CDC6: variants seen among roughly 807,000 people sequenced by gnomAD.
CDC6 encodes the protein DNA replication factor CDC6.
CDC6 carries 46 observed loss-of-function variants against 60.2 expected under a neutral mutation model. The ratio of observed to expected loss-of-function variants is 0.76; its 90% CI spans 0.60 to 0.98. The LOEUF is 0.98. Among genes scored for constraint, CDC6 ranks in the 50% least tolerant of loss-of-function variants. The pLI is 0.00. For synonymous variants in CDC6, 210 were observed against 233.2 expected (o/e 0.90, Z 0.90); for missense variants, 596 against 652.9 (o/e 0.91, Z 0.95).
rs186636882 is a variant in CDC6, at chr17:40,296,947, C to T, written c.1249+180C>T. ...AATCTTGCCTGCCAGTACTATAGTT[C>T]GTGCATTACTGGAAATGAGTTCCCA... On this transcript the variant is annotated intron_variant, in intron 9 of 11. Coordinates refer to ENST00000209728, the MANE Select transcript of CDC6 (RefSeq NM_001254.4). Among the ~76,000 whole-genome samples the T allele has an allele frequency of 1.9e-4, 29 of 152,202 alleles. No individual in the cohort carries two copies. In the South Asian group the frequency reaches 2.3e-3, roughly 12 times the overall value.
At chr17:40,300,731 T>G in intron 9 of CDC6, 97 bp from the exon 10 acceptor site, 1 of 981,960 alleles carries the variant, frequency 1.0e-6, no homozygotes, top group Non-Finnish European at 1.6e-6. Flanking sequence ...TATACTTGAA[T>G]TTCCTTTAGC....
At chr17:40,294,727 C>CTT (rs576545159) in intron 7 of CDC6, among the ~76,000 whole-genome samples, 6 of 133,788 alleles carry the variant, frequency 4.5e-5, no homozygotes, top group East Asian at 2.1e-4. Flanking sequence ...CACCCAAGCG[C>CTT]TTTTTTTTTT....
chr17:40,294,252 A>G, intron 6 of CDC6, 112 bp from the exon 7 acceptor site: 1 of 989,908 alleles, frequency 1.0e-6, no homozygotes, highest in Non-Finnish European at 1.6e-6. Flanking sequence ...AGTGGCAAGC[A>G]ACAATTAGAA....
Position 40,302,338 on chromosome 17 carries a change from A to G in CDC6, c.*337A>G, listed in dbSNP as rs1299768533. ...TTCGTTTGCTCAAACATGAGTGGGTATTTTTTTGTTTGTTTTTTTTGTTGT... is the reference window on the plus strand; with the variant it reads ...TTCGTTTGCTCAAACATGAGTGGGTGTTTTTTTGTTTGTTTTTTTTGTTGT... On this transcript the variant is annotated 3_prime_UTR_variant, in exon 12 of 12. Transcript: ENST00000209728. The G allele has an allele frequency of 3.6e-6, 1 of 274,954 alleles. No individual in the cohort carries two copies. The highest frequency in any genetic ancestry group is 6.9e-6 in the Non-Finnish European group (1 of 144,688). 17.0% of individuals were successfully genotyped at this position (274,954 alleles called of 1,614,324 possible). A position where few individuals can be genotyped will look rare whatever the true frequency, so the allele number is the denominator to read the frequency against.
chr17:40,294,639 A>G, intron 7 of CDC6, 136 bp downstream of exon 7: 2 of 767,136 alleles, frequency 2.6e-6, no homozygotes, highest in Admixed American at 4.1e-5. Flanking sequence ...CCATAGTGAG[A>G]ACATTTTTAT....
At chr17:40,288,176 C>T in intron 1 of CDC6, 86 bp downstream of exon 1, 1 of 152,962 alleles carries the variant, frequency 6.5e-6, no homozygotes, top group African/African-American at 2.4e-5. Flanking sequence ...GTAGTTCTAG[C>T]AGTTATGCGT....
At chr17:40,294,684 CAG>C (rs2032832457) in intron 7 of CDC6, among the ~76,000 whole-genome samples, 181 bp downstream of exon 7, 1 of 150,244 alleles carries the variant, frequency 6.7e-6, no homozygotes, top group Admixed American at 6.6e-5. Context: ...CTGGGTGTCT[CAG>C]TGTTGAAATA....
intron 8 of CDC6, 102 bp from the exon 9 acceptor site, chr17:40,296,601 C>G: frequency 2.7e-6 from 2 of 728,006 alleles, no homozygotes; most frequent in Non-Finnish European, 2.5e-6. Flanking sequence ...TTCATAGTTG[C>G]AGTCTTTGAG....
rs2143067180 is a variant in CDC6, at chr17:40,289,527, C to T, written c.107C>T (p.Pro36Leu). The T allele has an allele frequency of 6.2e-7, 1 of 1,613,968 alleles. No homozygotes were observed. Among genetic ancestry groups the T allele is most frequent in the South Asian group, 1.1e-5 (1 of 91,062 alleles). The change falls in exon 2 of 12, where the codon CCA (proline) becomes CTA (leucine). Residue 36 changes from proline (P) to leucine (L), a missense_variant. Pro to Leu is a moderately conservative substitution (Grantham distance 98, BLOSUM62 -3). Coordinates refer to ENST00000209728, the MANE Select transcript of CDC6 (RefSeq NM_001254.4). ...AKNSSDAKLE[P>L]TNVQTVTCSP... ...AACTCCAGTGATGCCAAACTAGAAC[C>T]AACAAATGTCCAAACCGTAACCTGT...
intron 2 of CDC6, among the ~76,000 whole-genome samples, chr17:40,290,158 G>T (rs1169907164): frequency 6.6e-6 from 1 of 152,100 alleles, no homozygotes; most frequent in African/African-American, 2.4e-5. Context: ...ACTGAACTTA[G>T]TTCTGTCAAT....
At chr17:40,293,815 C>T in intron 5 of CDC6, 135 bp from the exon 6 acceptor site, 1 of 903,626 alleles carries the variant, frequency 1.1e-6, no homozygotes, top group Non-Finnish European at 1.9e-6. Flanking sequence ...ATCCTTGTAG[C>T]AGTAACTAGA....
chr17:40,303,207 A>G lies in CDC6; in HGVS notation c.*1206A>G, dbSNP rs2032963280. ...AGAGGGCACCCTTATAACATTGACT[A>G]CTTTGAAAGGGGATGCTTGAGGCTG... On this transcript the variant is annotated 3_prime_UTR_variant, in exon 12 of 12. Transcript: ENST00000209728. 6.6e-6 allele frequency: 1 copy of G among 152,212 alleles called. No homozygotes were observed. The highest frequency in any genetic ancestry group is 1.5e-5 in the Non-Finnish European group (1 of 68,034). 9.4% of individuals were successfully genotyped at this position (152,212 alleles called of 1,614,324 possible).
At chr17:40,294,282 A>G in intron 6 of CDC6, 82 bp from the exon 7 acceptor site, 1 of 1,175,476 alleles carries the variant, frequency 8.5e-7, no homozygotes, top group Non-Finnish European at 1.3e-6. Flanking sequence ...CTATAACTGG[A>G]GATTTATTTA....
intron 9 of CDC6, among the ~76,000 whole-genome samples, chr17:40,297,399 G>A (rs2032873535): frequency 6.6e-6 from 1 of 152,134 alleles, no homozygotes; most frequent in African/African-American, 2.4e-5. Flanking sequence ...AACACCACAT[G>A]TTCTCACTCA....
At chr17:40,301,174 A>G in intron 10 of CDC6, 144 bp downstream of exon 10, 1 of 728,360 alleles carries the variant, frequency 1.4e-6, no homozygotes, top group South Asian at 1.5e-5. Flanking sequence ...CTGGTACTAT[A>G]TAAAAGGCAC....
intron 9 of CDC6, among the ~76,000 whole-genome samples, chr17:40,299,136 G>GTTTTTTT (rs2032900365): frequency 9.8e-5 from 10 of 101,644 alleles, no homozygotes; most frequent in Admixed American, 2.0e-4. Flanking sequence ...TAAGGCCATA[G>GTTTTTTT]TCTTTTTTTT....
intron 9 of CDC6, among the ~76,000 whole-genome samples, chr17:40,299,428 C>A (rs4135027): frequency 0.015 from 2,306 of 151,416 alleles, 30 homozygotes; most frequent in Non-Finnish European, 0.023. Flanking sequence ...TCCCTCCACC[C>A]TCCTATAGGC....
Position 40,300,816 on chromosome 17 carries a change from T to G in CDC6, c.1250-12T>G. On this transcript the variant is annotated splice_polypyrimidine_tract_variant and intron_variant, in intron 9 of 11. Coordinates refer to ENST00000209728, the MANE Select transcript of CDC6 (RefSeq NM_001254.4). ...TAGAAATCGAATTAAGCTTGGCTTATTTACTTTATAGGTAAATCACCTTCT... is the reference window on the plus strand; with the variant it reads ...TAGAAATCGAATTAAGCTTGGCTTAGTTACTTTATAGGTAAATCACCTTCT... The G allele has an allele frequency of 6.3e-7, 1 of 1,598,252 alleles. No homozygotes were observed. Among genetic ancestry groups the G allele is most frequent in the Non-Finnish European group, 8.6e-7 (1 of 1,165,572 alleles).
rs2032931404 is a variant in CDC6, at chr17:40,300,936, C to A, written c.1358C>A (p.Ala453Glu). ...GNRMTLSQEG[A>E]QDSFPLQQKI... ...AGGATGACCTTGAGCCAAGAAGGAGCACAAGATTCCTTCCCTCTTCAGCAG... is the reference window on the plus strand; with the variant it reads ...AGGATGACCTTGAGCCAAGAAGGAGAACAAGATTCCTTCCCTCTTCAGCAG... The change falls in exon 10 of 12, where the codon GCA becomes GAA. Residue 453 changes from alanine (A) to glutamate (E), a missense_variant. By Grantham distance (107) the Ala-to-Glu change is moderately radical. Coordinates refer to ENST00000209728, the MANE Select transcript of CDC6 (RefSeq NM_001254.4). The A allele has an allele frequency of 6.2e-7, 1 of 1,613,334 alleles. No homozygotes were observed. The highest frequency in any genetic ancestry group is 8.5e-7 in the Non-Finnish European group (1 of 1,179,388).
Sources: allele counts gnomAD v4.1 joint callset (sites outside exome capture counted in the v4.1 genomes callset), GRCh38; gene constraint gnomAD v4.1.1; transcripts MANE v1.5; gene names NCBI Gene and HGNC (gene_info 2026-07-23, HGNC 2026-07-21).